Variants in CYLD observed in about 807,000 individuals in gnomAD.
CYLD encodes the protein ubiquitin carboxyl-terminal hydrolase CYLD.
CYLD carries 26 observed loss-of-function variants against 104.5 expected under a neutral mutation model. That is an observed-to-expected ratio of 0.25 (90% CI 0.18 to 0.35). CYLD has a LOEUF of 0.35. Among genes scored for constraint, CYLD ranks in the 10% least tolerant of loss-of-function variants. The probability of loss-of-function intolerance (pLI) is 1.00; values close to 1 mark genes in which losing one functional copy is unlikely to be tolerated. For synonymous variants in CYLD, 385 were observed against 399.9 expected (o/e 0.96, Z 0.45); for missense variants, 703 against 1,136.1 (o/e 0.62, Z 5.48).
chr16:50,763,761 C>A (rs1043364265), intron 5 of CYLD, among the ~76,000 whole-genome samples: 1 of 152,058 alleles, frequency 6.6e-6, no homozygotes, highest in Non-Finnish European at 1.5e-5. Context: ...TAGCTAGGAC[C>A]TCTAAATACA....
intron 2 of CYLD, among the ~76,000 whole-genome samples, chr16:50,746,426 C>T (rs941831984): frequency 2.0e-5 from 3 of 152,224 alleles, no homozygotes; most frequent in African/African-American, 7.2e-5. Flanking sequence ...CTATCAGTTG[C>T]AGTGAAGAGA....
At chr16:50,754,997 G>A (rs866068501) in intron 5 of CYLD, among the ~76,000 whole-genome samples, 234 of 7,548 alleles carry the variant, frequency 0.031, 4 homozygotes, top group Middle Eastern at 0.12. Context: ...ACATATATAT[G>A]TATATATACA....
At chr16:50,751,458 C>A (rs1196992787) in intron 3 of CYLD, 146 bp from the exon 4 acceptor site, 1 of 586,938 alleles carries the variant, frequency 1.7e-6, no homozygotes, top group East Asian at 2.9e-5. Context: ...CTAAATCCAA[C>A]AGAAACTGCT....
At chr16:50,769,199 C>T (rs1210846808) in intron 5 of CYLD, among the ~76,000 whole-genome samples, 1 of 152,026 alleles carries the variant, frequency 6.6e-6, no homozygotes, top group Non-Finnish European at 1.5e-5. Flanking sequence ...TGGGTACTTA[C>T]CTAGATGTGG....
At chr16:50,744,193 CTT>C (rs879383679) in intron 2 of CYLD, among the ~76,000 whole-genome samples, 12 of 143,662 alleles carry the variant, frequency 8.4e-5, no homozygotes, top group Admixed American at 1.4e-4. Context: ...CTCTTCTTTT[CTT>C]TTTTTTTTTT....
chr16:50,796,277 G>A, intron 18 of CYLD, 47 bp from the exon 19 acceptor site: 1 of 1,582,094 alleles, frequency 6.3e-7, no homozygotes, highest in Non-Finnish European at 8.7e-7. Flanking sequence ...TGGCAAAAGG[G>A]TTTAGAACTT....
chr16:50,761,781 T>TATCTATCTATCTATATCC (rs1259396366), intron 5 of CYLD, among the ~76,000 whole-genome samples: 6 of 152,222 alleles, frequency 3.9e-5, no homozygotes, highest in African/African-American at 1.4e-4. Context: ...TATCTATATC[T>TATCTATCTATCTATATCC]TTGACCCATT....
At chr16:50,746,873 T>C (rs548147337) in intron 2 of CYLD, among the ~76,000 whole-genome samples, 1 of 152,190 alleles carries the variant, frequency 6.6e-6, no homozygotes, top group East Asian at 1.9e-4. Context: ...ATTTTTATTT[T>C]AAATTGTGAC....
chr16:50,771,343 T>A (rs150197595), intron 5 of CYLD, among the ~76,000 whole-genome samples: 11 of 152,366 alleles, frequency 7.2e-5, no homozygotes, highest in Non-Finnish European at 1.6e-4. Flanking sequence ...ATCAGTACTC[T>A]AACCTTCTTT....
rs1020986920 is a variant in CYLD, at chr16:50,799,495, A to G, written c.*2987A>G. ...GGATAAACAGCAACAAAAATCAACTAAATATGTTGTTACTGTTGCTAAGGA... is the reference window on the plus strand; with the variant it reads ...GGATAAACAGCAACAAAAATCAACTGAATATGTTGTTACTGTTGCTAAGGA... On this transcript the variant is annotated 3_prime_UTR_variant, in exon 19 of 19. Coordinates refer to ENST00000427738, the MANE Select transcript of CYLD (RefSeq NM_001378743.1). 2 of 233,608 alleles carry G rather than the reference A, an allele frequency of 8.6e-6. No individual in the cohort carries two copies. Among genetic ancestry groups the G allele is most frequent in the African/African-American group, 4.4e-5 (2 of 45,326 alleles). The allele number at this position is 233,608 out of a possible 1,614,324, so 14.5% of individuals were successfully genotyped here.
chr16:50,793,687 G>C (rs774393212), intron 17 of CYLD, 23 bp downstream of exon 17: 26 of 1,473,620 alleles, frequency 1.8e-5, no homozygotes, highest in Non-Finnish European at 2.4e-5. Context: ...TCACTTAATG[G>C]ATAAACTTTT....
intron 14 of CYLD, among the ~76,000 whole-genome samples, chr16:50,788,302 T>A (rs938661558): frequency 6.6e-6 from 1 of 152,154 alleles, no homozygotes; most frequent in African/African-American, 2.4e-5. Flanking sequence ...CCACCCACCA[T>A]GTTGAATGAA....
chr16:50,761,421 C>T (rs562512254), intron 5 of CYLD, among the ~76,000 whole-genome samples: 1 of 152,254 alleles, frequency 6.6e-6, no homozygotes, highest in African/African-American at 2.4e-5. Flanking sequence ...CAAATAGAAA[C>T]TCTATACTCA....
intron 11 of CYLD, chr16:50,784,044 C>G: frequency 2.8e-6 from 1 of 359,048 alleles, no homozygotes; most frequent in Non-Finnish European, 5.3e-6. Context: ...AGTTTTCTTT[C>G]TTAATATTCT....
intron 5 of CYLD, among the ~76,000 whole-genome samples, chr16:50,774,584 T>C (rs1220936631): frequency 2.0e-5 from 3 of 152,166 alleles, no homozygotes; most frequent in Non-Finnish European, 4.4e-5. Context: ...GATACTGCAA[T>C]AGTTGATCTG....
intron 5 of CYLD, among the ~76,000 whole-genome samples, chr16:50,761,689 A>T (rs1165749488): frequency 6.6e-6 from 1 of 152,156 alleles, no homozygotes; most frequent in Non-Finnish European, 1.5e-5. Context: ...CTGTAAGGTT[A>T]TAAAGGAATT....
At chr16:50,753,169 G>A (rs115462907) in intron 4 of CYLD, among the ~76,000 whole-genome samples, 103 of 152,298 alleles carry the variant, frequency 6.8e-4, no homozygotes, top group African/African-American at 2.4e-3. Flanking sequence ...CTAAACAAAC[G>A]TTTACTCTTA....
intron 5 of CYLD, among the ~76,000 whole-genome samples, chr16:50,767,767 C>T (rs1027158436): frequency 6.6e-6 from 1 of 152,164 alleles, no homozygotes; most frequent in African/African-American, 2.4e-5. Context: ...TTCTCCCACA[C>T]ACACACTCTA....
chr16:50,776,349 A>G, intron 7 of CYLD, 72 bp downstream of exon 7: 2 of 1,077,894 alleles, frequency 1.9e-6, no homozygotes, highest in Middle Eastern at 4.0e-4. Flanking sequence ...AAAAAAGATT[A>G]TAAGCTATTA....
Sources: gnomAD v4.1 joint callset for allele counts (sites outside exome capture counted in the v4.1 genomes callset) on GRCh38, gnomAD v4.1.1 for gene constraint, MANE v1.5 for transcripts, NCBI Gene and HGNC (gene_info 2026-07-23, HGNC 2026-07-21) for gene names.